Variants in ADCY9 observed in about 807,000 individuals in gnomAD.
ADCY9 encodes the protein adenylate cyclase type 9.
In ADCY9, 50 loss-of-function variants were observed where a neutral mutation model predicts 101.5. The observed-to-expected ratio is 0.49, with a 90% CI of 0.39 to 0.62. The LOEUF (loss-of-function observed/expected upper bound fraction) is 0.62, where lower values mean the gene tolerates loss of function less well. ADCY9 is among the 20% of genes least tolerant of loss of function. The pLI, the probability that ADCY9 is intolerant of heterozygous loss-of-function variation, is 0.00. For synonymous variants in ADCY9, 905 were observed against 769.3 expected, an observed-to-expected ratio of 1.18 and a Z score of -2.92; for missense variants, 1,662 against 1,800.4, an observed-to-expected ratio of 0.92 and a Z score of 1.39.
chr16:4,054,716 G>A (rs1270035668), intron 2 of ADCY9, among the ~76,000 whole-genome samples: 3 of 151,960 alleles, frequency 2.0e-5, no homozygotes, highest in African/African-American at 4.8e-5. Flanking sequence ...GACTACAGGT[G>A]CCCGCCACCA....
At chr16:4,113,139 T>C (rs1218078601) in intron 2 of ADCY9, among the ~76,000 whole-genome samples, 1 of 149,808 alleles carries the variant, frequency 6.7e-6, no homozygotes, top group African/African-American at 2.5e-5. Flanking sequence ...CTTAAACAAA[T>C]GATGGCTGAA....
intron 2 of ADCY9, among the ~76,000 whole-genome samples, chr16:4,068,711 G>A: frequency 6.6e-6 from 1 of 151,920 alleles, no homozygotes; most frequent in Admixed American, 6.6e-5. Context: ...CAGCTACTCA[G>A]GAGGCTGAGG....
intron 3 of ADCY9, among the ~76,000 whole-genome samples, chr16:3,998,569 C>A (rs562503430): frequency 1.3e-5 from 2 of 151,318 alleles, no homozygotes; most frequent in African/African-American, 4.9e-5. Context: ...ATTAGCCTGG[C>A]GTGGTGGTGC....
At chr16:4,017,830 A>G (rs948270320) in intron 2 of ADCY9, among the ~76,000 whole-genome samples, 4 of 152,154 alleles carry the variant, frequency 2.6e-5, no homozygotes, top group Non-Finnish European at 4.4e-5. Context: ...GAATCATCCA[A>G]TTTGCAGCTC....
intron 2 of ADCY9, among the ~76,000 whole-genome samples, chr16:4,049,931 T>C (rs1197568727): frequency 2.0e-5 from 3 of 151,622 alleles, no homozygotes; most frequent in Non-Finnish European, 2.9e-5. Context: ...CTCAGGAAGC[T>C]AGGGTGGGAG....
intron 2 of ADCY9, among the ~76,000 whole-genome samples, chr16:4,069,390 G>C (rs2056819693): frequency 6.6e-6 from 1 of 151,734 alleles, no homozygotes; most frequent in Admixed American, 6.6e-5. Flanking sequence ...GTAAAATGCA[G>C]ATAATGAAAG....
intron 6 of ADCY9, among the ~76,000 whole-genome samples, chr16:3,987,353 A>G (rs2141695896): frequency 6.6e-6 from 1 of 152,338 alleles, no homozygotes; most frequent in South Asian, 2.1e-4. Flanking sequence ...GGCATGGCAA[A>G]GGTGTCTGCT....
At chr16:4,108,360 A>ATTTTTTTTTTTTTTTT (rs869169536) in intron 2 of ADCY9, among the ~76,000 whole-genome samples, 4 of 53,712 alleles carry the variant, frequency 7.4e-5, no homozygotes, top group African/African-American at 2.8e-4. Context: ...CCGTTTCTTC[A>ATTTTTTTTTTTTTTTT]TTTTTTTTTT....
At chr16:4,027,727 A>G (rs1208328257) in intron 2 of ADCY9, among the ~76,000 whole-genome samples, 1 of 152,132 alleles carries the variant, frequency 6.6e-6, no homozygotes, top group African/African-American at 2.4e-5. Flanking sequence ...TAAAACAAAA[A>G]TTAGCTGGGT....
At chr16:4,022,005 A>G (rs1401226194) in intron 2 of ADCY9, among the ~76,000 whole-genome samples, 1 of 152,182 alleles carries the variant, frequency 6.6e-6, no homozygotes, top group African/African-American at 2.4e-5. Flanking sequence ...AAATTCATGG[A>G]CAACATAACC....
intron 7 of ADCY9, among the ~76,000 whole-genome samples, chr16:3,979,910 G>A (rs1312320648): frequency 6.6e-6 from 1 of 152,284 alleles, no homozygotes; most frequent in Non-Finnish European, 1.5e-5. Flanking sequence ...TGGTGGTGCT[G>A]ACACACCCTG....
rs577971628 is a variant in ADCY9, at chr16:4,067,057, G to A, written c.1693+46693C>T. 2.5e-4 allele frequency among the ~76,000 whole-genome samples: 38 copies of A among 152,174 alleles called. 1 individual carries two copies. The South Asian group carries it at 7.1e-3, about 28-fold the overall frequency. ...CTGAGACAGATTTAGAGAAAATTGC[G>A]GCTGATGCCCAGCTCTATGAAAGAG... is the stretch of plus-strand genomic sequence containing the variant. On this transcript the variant is annotated intron_variant, in intron 2 of 10. Coordinates refer to ENST00000294016, the MANE Select transcript of ADCY9 (RefSeq NM_001116.4).
chr16:4,025,944 G>C (rs1186524662), intron 2 of ADCY9, among the ~76,000 whole-genome samples: 1 of 152,208 alleles, frequency 6.6e-6, no homozygotes, highest in Non-Finnish European at 1.5e-5. Context: ...CCAGATGACA[G>C]TGCTACCAGC....
intron 2 of ADCY9, among the ~76,000 whole-genome samples, chr16:4,109,630 G>A (rs576393447): frequency 5.9e-5 from 9 of 152,096 alleles, no homozygotes; most frequent in Non-Finnish European, 1.2e-4. Flanking sequence ...ACATGGTCAA[G>A]CCCTTCCCCT....
chr16:4,110,582 G>A (rs1446632189), intron 2 of ADCY9, among the ~76,000 whole-genome samples: 1 of 151,906 alleles, frequency 6.6e-6, no homozygotes, highest in Non-Finnish European at 1.5e-5. Flanking sequence ...TAGAGACGGG[G>A]TTTCACTATA....
downstream of ADCY9, among the ~76,000 whole-genome samples, chr16:3,958,446 A>G (rs2055919368): frequency 6.6e-6 from 1 of 150,524 alleles, no homozygotes; most frequent in African/African-American, 2.4e-5. Context: ...AGGCTGAGGC[A>G]GAAGAATCAC....
At chr16:4,019,699 A>G (rs2056461872) in intron 2 of ADCY9, among the ~76,000 whole-genome samples, 1 of 152,166 alleles carries the variant, frequency 6.6e-6, no homozygotes, top group African/African-American at 2.4e-5. Context: ...CAAAGGAGAG[A>G]TGGAAGTGGG....
At chr16:4,025,906 T>G (rs1319066753) in intron 2 of ADCY9, among the ~76,000 whole-genome samples, 4 of 151,444 alleles carry the variant, frequency 2.6e-5, no homozygotes, top group African/African-American at 9.7e-5. Flanking sequence ...TGGTGTAGAA[T>G]CACTCATGAG....
At chr16:4,027,921 T>G (rs1387056279) in intron 2 of ADCY9, among the ~76,000 whole-genome samples, 1 of 151,276 alleles carries the variant, frequency 6.6e-6, no homozygotes, top group African/African-American at 2.4e-5. Flanking sequence ...CTCGTGAGAC[T>G]TATTCACTAT....
Sources: gnomAD v4.1 joint callset for allele counts (sites outside exome capture counted in the v4.1 genomes callset) on GRCh38, gnomAD v4.1.1 for gene constraint, MANE v1.5 for transcripts, NCBI Gene and HGNC (gene_info 2026-07-23, HGNC 2026-07-21) for gene names.